Variants in NAPA observed in about 807,000 individuals in gnomAD.
NAPA encodes the protein NSF attachment protein alpha.
A neutral mutation model predicts 48.0 loss-of-function variants in NAPA; 18 were observed. That is an observed-to-expected ratio of 0.38 (90% confidence interval 0.26 to 0.56). The LOEUF (loss-of-function observed/expected upper bound fraction) is 0.56, where lower values mean the gene tolerates loss of function less well. NAPA is among the 20% of genes least tolerant of loss of function. The probability of loss-of-function intolerance (pLI) is 0.77; values close to 1 mark genes in which losing one functional copy is unlikely to be tolerated. For synonymous variants in NAPA, 152 were observed against 149.9 expected, an observed-to-expected ratio of 1.01 and a Z score of -0.10; for missense variants, 315 against 385.0, an observed-to-expected ratio of 0.82 and a Z score of 1.52.
rs375731434 is a variant in NAPA, at chr19:47,502,207, CT to C, written c.178+1215del. Among the ~76,000 whole-genome samples the C allele has an allele frequency of 6.1e-3, 808 of 132,208 alleles. 5 individuals are homozygous for C. The highest frequency in any genetic ancestry group is 0.021 in the African/African-American group (735 of 34,194). The allele number at this position is 132,208 out of a possible 152,430, so 86.7% of individuals were successfully genotyped here. A position where few individuals can be genotyped will look rare whatever the true frequency, so the allele number is the denominator to read the frequency against. ...AGTGAGCCAAGATCGCGCCACTGCACTCCAGCCTGGCAACAGAGCAAGACTG... is the reference window on the plus strand; with the variant it reads ...AGTGAGCCAAGATCGCGCCACTGCACCCAGCCTGGCAACAGAGCAAGACTG... On this transcript the variant is annotated intron_variant, in intron 2 of 10. Transcript: ENST00000263354.
chr19:47,514,888 T>C lies in NAPA; in HGVS notation c.53A>G (p.Glu18Gly). The C allele has an allele frequency of 6.2e-7, 1 of 1,613,980 alleles. No homozygotes were observed. Among genetic ancestry groups the C allele is most frequent in the Admixed American group, 1.7e-5 (1 of 60,010 alleles). Reference protein sequence around the residue: ...AEAMALLAEAERKVKNSQSFF... With the variant: ...AEAMALLAEAGRKVKNSQSFF... The stretch of plus-strand genomic sequence containing the variant: ...GGACTGCGAGTTCTTCACTTTGCGC[T>C]CCGCCTCGGCCAACAGCGCCATCGC... The change falls in exon 1 of 11, where the codon GAG becomes GGG. Residue 18 changes from glutamate to glycine, a missense_variant. Around this residue, in one of 3 missense-constraint regions of NAPA, gnomAD observed 173 missense variants for 213.5 expected, o/e 0.81. Transcript: ENST00000263354.
At chr19:47,495,421 C>T in intron 4 of NAPA, 129 bp downstream of exon 4, 2 of 1,054,730 alleles carry the variant, frequency 1.9e-6, no homozygotes, top group East Asian at 2.4e-5. Flanking sequence ...CCCCCCAGCT[C>T]CCACTTCCCC....
Position 47,490,869 on chromosome 19 carries a change from G to A in NAPA, c.667-13C>T. The A allele has an allele frequency of 6.2e-7, 1 of 1,612,356 alleles. No homozygotes were observed. The highest frequency in any genetic ancestry group is 1.1e-5 in the South Asian group (1 of 90,780). ...TTTGGACAGCCAGCTGGGCAGCAGGGAAGGGAGAAGATGAGTTAGTAACAA... is the reference window on the plus strand; with the variant it reads ...TTTGGACAGCCAGCTGGGCAGCAGGAAAGGGAGAAGATGAGTTAGTAACAA... On this transcript the variant is annotated splice_polypyrimidine_tract_variant and intron_variant, in intron 8 of 10. Coordinates refer to ENST00000263354, the MANE Select transcript of NAPA (RefSeq NM_003827.4).
intron 1 of NAPA, among the ~76,000 whole-genome samples, chr19:47,505,014 T>G (rs1355188129): frequency 6.6e-6 from 1 of 152,136 alleles, no homozygotes; most frequent in Non-Finnish European, 1.5e-5. Context: ...ATAATGAGCC[T>G]CCTCTTGACT....
rs1259406010 is a variant in NAPA at position 47,494,758 on chromosome 19, AG to A, written c.342+791del. On this transcript the variant is annotated intron_variant, in intron 4 of 10. Transcript: ENST00000263354. ...CTCAAAAAAAAAAAAAAAAAAAAAA[AG>A]AGAGAGAGAGAAAGCACTGACAGGA... Among the ~76,000 whole-genome samples, 470 of 123,870 alleles carry A rather than the reference AG, an allele frequency of 3.8e-3. 5 individuals are homozygous for A. The highest frequency in any genetic ancestry group is 9.1e-3 in the African/African-American group (317 of 34,690). 81.3% of individuals were successfully genotyped at this position (123,870 alleles called of 152,430 possible). A position where few individuals can be genotyped will look rare whatever the true frequency, so the allele number is the denominator to read the frequency against.
At chr19:47,511,002 G>C (rs1968794847) in intron 1 of NAPA, among the ~76,000 whole-genome samples, 1 of 152,206 alleles carries the variant, frequency 6.6e-6, no homozygotes, top group African/African-American at 2.4e-5. Flanking sequence ...AGCAAGGGTG[G>C]CATCTGAGCA....
chr19:47,485,791 G>A (rs1599882955), downstream of NAPA, among the ~76,000 whole-genome samples: 1 of 152,192 alleles, frequency 6.6e-6, no homozygotes, highest in South Asian at 2.1e-4. Context: ...GTTCCTGGAG[G>A]GCAGTCTGGG....
At chr19:47,485,709 A>T (rs143498809), downstream of NAPA, among the ~76,000 whole-genome samples, 1 of 152,340 alleles carries the variant, frequency 6.6e-6, no homozygotes, top group Non-Finnish European at 1.5e-5. Flanking sequence ...GAAAGTTCTC[A>T]AAGGCAGACT....
chr19:47,490,308 C>T (rs1316740893), intron 9 of NAPA, among the ~76,000 whole-genome samples: 2 of 121,140 alleles, frequency 1.7e-5, no homozygotes, highest in Non-Finnish European at 3.4e-5. Flanking sequence ...AGGGGTGTGT[C>T]GTGTGTGTGT....
intron 4 of NAPA, 113 bp downstream of exon 4, chr19:47,495,437 C>G: frequency 8.2e-7 from 1 of 1,214,142 alleles, no homozygotes; most frequent in Non-Finnish European, 1.2e-6. Context: ...TCCCCCTCCC[C>G]AAGTGGTTTG....
rs1338153306 is a variant in NAPA, at chr19:47,514,969, C to T, written c.-29G>A. 6.2e-7 allele frequency: 1 copy of T among 1,602,110 alleles called. No homozygotes were observed. The highest frequency in any genetic ancestry group is 1.3e-5 in the African/African-American group (1 of 74,664). On this transcript the variant is annotated 5_prime_UTR_variant, in exon 1 of 11. Transcript: ENST00000263354. Reference sequence around the variant, plus strand: ...GGCCACAAAGGGACTCAGCAAAGCGCCTGACCCTGACCCTGGGAAGACTCA... The same window carrying T: ...GGCCACAAAGGGACTCAGCAAAGCGTCTGACCCTGACCCTGGGAAGACTCA...
intron 10 of NAPA, chr19:47,488,878 C>A (rs1217483410): frequency 2.0e-5 from 3 of 151,308 alleles, no homozygotes; most frequent in African/African-American, 7.3e-5. Context: ...GATCACGCCA[C>A]TGCACTCCAG....
chr19:47,489,595 TG>T, intron 10 of NAPA, 115 bp downstream of exon 10: 1 of 1,181,278 alleles, frequency 8.5e-7, no homozygotes, highest in Non-Finnish European at 1.2e-6. Flanking sequence ...AACTTCACAG[TG>T]GGCTGGGGGC....
chr19:47,490,743 C>T (rs1389621186), intron 9 of NAPA, 45 bp downstream of exon 9: 5 of 1,578,350 alleles, frequency 3.2e-6, no homozygotes, highest in South Asian at 2.3e-5. Flanking sequence ...CAGCCACCCC[C>T]GTCTGAGGTT....
intron 3 of NAPA, chr19:47,495,928 T>C (rs1225561191): frequency 2.2e-5 from 7 of 324,450 alleles, no homozygotes; most frequent in Non-Finnish European, 4.2e-5. Context: ...GCCAGGATGA[T>C]GGCCAGACTC....
downstream of NAPA, among the ~76,000 whole-genome samples, chr19:47,485,785 C>T (rs528216166): frequency 2.0e-5 from 3 of 152,226 alleles, no homozygotes; most frequent in Admixed American, 6.5e-5. Context: ...GTAGAAGTTC[C>T]TGGAGGGCAG....
intron 1 of NAPA, among the ~76,000 whole-genome samples, chr19:47,513,184 C>CCT (rs1212066234): frequency 6.6e-6 from 1 of 152,188 alleles, no homozygotes; most frequent in African/African-American, 2.4e-5. Flanking sequence ...GCCTCATGCT[C>CCT]CTCTCAACCC....
intron 1 of NAPA, among the ~76,000 whole-genome samples, chr19:47,504,261 G>C (rs145770772): frequency 1.3e-5 from 2 of 152,094 alleles, no homozygotes; most frequent in East Asian, 3.9e-4. Flanking sequence ...AGGGTGTGAT[G>C]GTGCACGCCT....
intron 1 of NAPA, among the ~76,000 whole-genome samples, chr19:47,510,046 G>T (rs1387669350): frequency 6.6e-6 from 1 of 152,230 alleles, no homozygotes; most frequent in East Asian, 1.9e-4. Context: ...AACCTTGTGT[G>T]CCCTCAGGAA....
Sources: allele counts gnomAD v4.1 joint callset (sites outside exome capture counted in the v4.1 genomes callset), GRCh38; gene constraint gnomAD v4.1.1; regional missense constraint gnomAD v4.1.1; transcripts MANE v1.5; gene names NCBI Gene and HGNC (gene_info 2026-07-23, HGNC 2026-07-21).